ZNF146: variants seen among roughly 807,000 people sequenced by gnomAD.
ZNF146 encodes the protein zinc finger protein OZF.
In ZNF146, 9 loss-of-function variants were observed where a neutral mutation model predicts 22.2. The observed-to-expected ratio is 0.41, with a 90% confidence interval of 0.24 to 0.71. The LOEUF is 0.71. Ranked by LOEUF, ZNF146 falls within the 30% of genes least tolerant of loss-of-function variation. The probability of loss-of-function intolerance (pLI) is 0.34; values close to 1 mark genes in which losing one functional copy is unlikely to be tolerated. For synonymous variants in ZNF146, 108 were observed against 119.2 expected (o/e 0.91, Z 0.61); for missense variants, 194 against 344.8 (o/e 0.56, Z 3.46).
chr19:36,234,091 A>C (rs892552673), intron 3 of ZNF146, among the ~76,000 whole-genome samples: 1 of 152,172 alleles, frequency 6.6e-6, no homozygotes. Context: ...ATGACTCTTA[A>C]GGAGCATGCT....
At chr19:36,225,119 C>T (rs766669427) in intron 2 of ZNF146, among the ~76,000 whole-genome samples, 2 of 152,092 alleles carry the variant, frequency 1.3e-5, no homozygotes, top group Non-Finnish European at 2.9e-5. Context: ...AGATAAGATA[C>T]TGGCTTTTGT....
intron 2 of ZNF146, among the ~76,000 whole-genome samples, chr19:36,219,621 T>TA (rs1046407300): frequency 1.3e-5 from 2 of 152,222 alleles, no homozygotes; most frequent in African/African-American, 4.8e-5. Flanking sequence ...TGGTGATTGT[T>TA]ACTTCCCTTT....
At chr19:36,215,689 G>T (rs1976572451) in intron 1 of ZNF146, among the ~76,000 whole-genome samples, 1 of 151,732 alleles carries the variant, frequency 6.6e-6, no homozygotes, top group African/African-American at 2.4e-5. Flanking sequence ...AGAGTGTTTC[G>T]AAGGAACTTT....
At chr19:36,233,883 T>G (rs1977514890) in intron 3 of ZNF146, among the ~76,000 whole-genome samples, 1 of 152,008 alleles carries the variant, frequency 6.6e-6, no homozygotes, top group South Asian at 2.1e-4. Context: ...GTCTTCCTTT[T>G]TTACTAATCC....
At chr19:36,217,749 C>G (rs192336361) in intron 1 of ZNF146, among the ~76,000 whole-genome samples, 2 of 151,858 alleles carry the variant, frequency 1.3e-5, no homozygotes, top group African/African-American at 4.8e-5. Flanking sequence ...CCAGGCGTGG[C>G]GGCACATGCC....
Position 36,238,668 on chromosome 19 carries a change from A to G in ZNF146, c.*1349A>G, listed in dbSNP as rs1047677444. 1 of 167,124 alleles carries G rather than the reference A, an allele frequency of 6.0e-6. No individual in the cohort carries two copies. The highest frequency in any genetic ancestry group is 1.5e-5 in the Non-Finnish European group (1 of 68,120). 10.4% of individuals were successfully genotyped at this position (167,124 alleles called of 1,614,324 possible). ...TCCAATTAAATACTAAACATTTTAT[A>G]GAAAATATTTCTAAAATTTTATCAC... On this transcript the variant is annotated 3_prime_UTR_variant, in exon 4 of 4. Transcript: ENST00000443387.
At position 36,235,670 on chromosome 19, in the gene ZNF146, G is replaced by A. The variant is rs1977620531; in HGVS notation, c.-771G>A. 6.6e-6 allele frequency: 1 copy of A among 152,234 alleles called. No individual in the cohort carries two copies. Among genetic ancestry groups the A allele is most frequent in the Admixed American group, 6.5e-5 (1 of 15,276 alleles). The allele number at this position is 152,234 out of a possible 1,614,324, so 9.4% of individuals were successfully genotyped here. ...GTACTCCATTTTAGAAGAAGCCTGA[G>A]AAGATGATGCACAGATAGAGAGGCA... is the stretch of plus-strand genomic sequence containing the variant. On this transcript the variant is annotated 5_prime_UTR_variant, in exon 4 of 4. Coordinates refer to ENST00000443387, the MANE Select transcript of ZNF146 (RefSeq NM_007145.3).
rs1047396177 is a variant in ZNF146, at chr19:36,238,398, A to G, written c.*1079A>G. On this transcript the variant is annotated 3_prime_UTR_variant, in exon 4 of 4. Transcript: ENST00000443387. ...CTGTGAAGAGTGGAGAAGGGAAAAT[A>G]ATGAGTGTGGGAGGTGGGATGGGTA... is the stretch of plus-strand genomic sequence containing the variant. 13 of 167,072 alleles carry G rather than the reference A, an allele frequency of 7.8e-5. No homozygotes were observed. The highest frequency in any genetic ancestry group is 2.7e-4 in the African/African-American group (11 of 41,456). The allele number at this position is 167,072 out of a possible 1,614,324, so 10.3% of individuals were successfully genotyped here.
chr19:36,215,487 G>C (rs1385508470), intron 1 of ZNF146, among the ~76,000 whole-genome samples: 1 of 152,106 alleles, frequency 6.6e-6, no homozygotes, highest in Non-Finnish European at 1.5e-5. Context: ...TAACGTTTGA[G>C]CTGCACTTCC....
chr19:36,220,632 C>T (rs1976796458), intron 2 of ZNF146, among the ~76,000 whole-genome samples: 1 of 152,140 alleles, frequency 6.6e-6, no homozygotes, highest in African/African-American at 2.4e-5. Flanking sequence ...TCCCAAAGCG[C>T]TGGGATTACA....
intron 3 of ZNF146, among the ~76,000 whole-genome samples, chr19:36,235,407 T>G (rs1458905214): frequency 1.3e-5 from 2 of 152,192 alleles, no homozygotes; most frequent in African/African-American, 4.8e-5. Flanking sequence ...ATTTTCTACC[T>G]AGATCACCTC....
chr19:36,237,614 T>A lies in ZNF146; in HGVS notation c.*295T>A. 3.9e-6 allele frequency: 1 copy of A among 256,338 alleles called. No homozygotes were observed. Among genetic ancestry groups the A allele is most frequent in the Non-Finnish European group, 8.0e-6 (1 of 125,490 alleles). The allele number at this position is 256,338 out of a possible 1,614,324, so 15.9% of individuals were successfully genotyped here. On this transcript the variant is annotated 3_prime_UTR_variant, in exon 4 of 4. Coordinates refer to ENST00000443387, the MANE Select transcript of ZNF146 (RefSeq NM_007145.3). The stretch of plus-strand genomic sequence containing the variant: ...TGTTTTTTATTGCTACCACCATAGA[T>A]CTGGAGATCTTCGCCAGTAACAAGA...
Position 36,237,509 on chromosome 19 carries a change from C to A in ZNF146, c.*190C>A. On this transcript the variant is annotated 3_prime_UTR_variant, in exon 4 of 4. Coordinates refer to ENST00000443387, the MANE Select transcript of ZNF146 (RefSeq NM_007145.3). ...ATGCATATGATTAAAACCCTGTGTCCAACAGAGAAACCTGCAGCAGAGATA... is the reference window on the plus strand; with the variant it reads ...ATGCATATGATTAAAACCCTGTGTCAAACAGAGAAACCTGCAGCAGAGATA... The A allele has an allele frequency of 3.5e-6, 2 of 563,730 alleles. No homozygotes were observed. Among genetic ancestry groups the A allele is most frequent in the Non-Finnish European group, 5.8e-6 (2 of 343,970 alleles). The allele number at this position is 563,730 out of a possible 1,614,324, so 34.9% of individuals were successfully genotyped here.
intron 2 of ZNF146, among the ~76,000 whole-genome samples, chr19:36,220,451 G>A (rs146446277): frequency 0.016 from 2,489 of 151,862 alleles, 63 homozygotes; most frequent in East Asian, 0.087. Context: ...TGCAATCTCC[G>A]CCTCCTGGGT....
In ZNF146 at chr19:36,237,083, A is replaced by G. The variant is rs754073235; in HGVS notation, c.643A>G (p.Asn215Asp). 3.7e-6 allele frequency: 6 copies of G among 1,614,068 alleles called. No individual in the cohort carries two copies. The Admixed American group carries it at 5.0e-5, about 13-fold the overall frequency. The change falls in exon 4 of 4, where the codon AAT becomes GAT. Residue 215 changes from asparagine to aspartate, a missense_variant. Asn to Asp is a conservative substitution (Grantham distance 23, BLOSUM62 1). This residue lies in a region of ZNF146 where 147 missense variants were observed against 300.1 expected (regional missense o/e 0.49). Coordinates refer to ENST00000443387, the MANE Select transcript of ZNF146 (RefSeq NM_007145.3). ...TTCAGGTGATAAACCTTACGAATGC[A>G]ATGTTTGTGGAAAAGCCTTCTCTCA... ...IHSGDKPYEC[N>D]VCGKAFSQSS...
chr19:36,226,194 C>A (rs1977059214), intron 2 of ZNF146, among the ~76,000 whole-genome samples: 1 of 152,212 alleles, frequency 6.6e-6, no homozygotes, highest in Non-Finnish European at 1.5e-5. Context: ...ATCGATCTCT[C>A]TGCCTGCATG....
rs1485433353 is a variant in ZNF146, at chr19:36,237,943, GC to G, written c.*625del. ...ATATGGAAAAGCTATGTACTAAAAT[GC>G]ATATGACCTTGGGAATAGGGAAACA... On this transcript the variant is annotated 3_prime_UTR_variant, in exon 4 of 4. Transcript: ENST00000443387. 1.2e-5 allele frequency: 2 copies of G among 167,000 alleles called. No individual in the cohort carries two copies. Among genetic ancestry groups the G allele is most frequent in the Admixed American group, 6.6e-5 (1 of 15,264 alleles). 10.3% of individuals were successfully genotyped at this position (167,000 alleles called of 1,614,324 possible).
chr19:36,233,741 C>T (rs1977504086), intron 3 of ZNF146, among the ~76,000 whole-genome samples: 1 of 152,210 alleles, frequency 6.6e-6, no homozygotes, highest in Admixed American at 6.5e-5. Context: ...CAGCATGTCC[C>T]ACCTCCAGCC....
chr19:36,219,284 C>T (rs771850910), intron 2 of ZNF146, among the ~76,000 whole-genome samples: 2 of 152,142 alleles, frequency 1.3e-5, no homozygotes, highest in Non-Finnish European at 1.5e-5. Flanking sequence ...AGCCCCACCC[C>T]CGCAGTGGTT....
Sources: gnomAD v4.1 joint callset for allele counts (sites outside exome capture counted in the v4.1 genomes callset) on GRCh38, gnomAD v4.1.1 for gene constraint, gnomAD v4.1.1 regional missense constraint, MANE v1.5 for transcripts, NCBI Gene and HGNC (gene_info 2026-07-23, HGNC 2026-07-21) for gene names.